The following GRID2 variants were observed in gnomAD, a reference collection of about 807,000 sequenced individuals.
GRID2 encodes the protein glutamate receptor ionotropic, delta-2.
GRID2 carries 33 observed loss-of-function variants against 114.8 expected under a neutral mutation model. The ratio of observed to expected loss-of-function variants is 0.29; its 90% CI spans 0.22 to 0.38. The LOEUF is 0.38. Ranked by LOEUF, GRID2 falls within the 10% of genes least tolerant of loss-of-function variation. GRID2 has a pLI of 1.00. For missense variants in GRID2, 1,184 were observed against 1,257.7 expected, an observed-to-expected ratio of 0.94 and a Z score of 0.89; for synonymous variants, 505 against 449.9, an observed-to-expected ratio of 1.12 and a Z score of -1.55.
At chr4:92,442,086 C>A (rs1310617043) in intron 1 of GRID2, among the ~76,000 whole-genome samples, 1 of 150,456 alleles carries the variant, frequency 6.6e-6, no homozygotes, top group Non-Finnish European at 1.5e-5. Flanking sequence ...GGAAACAGGC[C>A]CTTGAAAAGA....
intron 1 of GRID2, among the ~76,000 whole-genome samples, chr4:92,534,872 GACTAA>G (rs1388583328): frequency 6.6e-6 from 1 of 152,112 alleles, no homozygotes; most frequent in African/African-American, 2.4e-5. Context: ...AGCTTGGAAA[GACTAA>G]ACTAATTAAC....
intron 1 of GRID2, among the ~76,000 whole-genome samples, chr4:92,345,012 A>T (rs1727693740): frequency 6.6e-6 from 1 of 152,254 alleles, no homozygotes; most frequent in East Asian, 1.9e-4. Context: ...TGTACCCAAT[A>T]TGTAGTTGTT....
chr4:93,036,135 C>A (rs559498267), intron 2 of GRID2, among the ~76,000 whole-genome samples: 1 of 151,958 alleles, frequency 6.6e-6, no homozygotes, highest in Non-Finnish European at 1.5e-5. Context: ...ATTTAGATTT[C>A]TCCCTTAGCC....
At chr4:93,490,537 T>A in intron 11 of GRID2, 102 bp from the exon 12 acceptor site, 1 of 761,688 alleles carries the variant, frequency 1.3e-6, no homozygotes, top group Admixed American at 2.5e-5. Context: ...GCAGAAAAAA[T>A]TCTCACTACT....
intron 13 of GRID2, among the ~76,000 whole-genome samples, chr4:93,595,937 G>T (rs13128505): frequency 6.6e-6 from 1 of 151,888 alleles, no homozygotes; most frequent in East Asian, 1.9e-4. Flanking sequence ...TTGCCTTGTC[G>T]CTAGTGTTCA....
intron 14 of GRID2, among the ~76,000 whole-genome samples, chr4:93,749,067 G>A (rs1732091407): frequency 6.6e-6 from 1 of 151,912 alleles, no homozygotes; most frequent in African/African-American, 2.4e-5. Context: ...AGCAAAAGTG[G>A]GTGGGGGTGG....
intron 1 of GRID2, among the ~76,000 whole-genome samples, chr4:92,504,923 T>C (rs961028083): frequency 6.6e-6 from 1 of 152,012 alleles, no homozygotes; most frequent in South Asian, 2.1e-4. Context: ...TACTAGAAAA[T>C]AAAATTGTAC....
intron 14 of GRID2, among the ~76,000 whole-genome samples, chr4:93,715,433 T>C (rs1400626126): frequency 6.6e-6 from 1 of 152,228 alleles, no homozygotes; most frequent in African/African-American, 2.4e-5. Flanking sequence ...TCGTTCCATA[T>C]GAATTTTCAA....
At chr4:92,698,347 G>T (rs1734519022) in intron 2 of GRID2, among the ~76,000 whole-genome samples, 1 of 152,078 alleles carries the variant, frequency 6.6e-6, no homozygotes, top group Non-Finnish European at 1.5e-5. Context: ...CTTATTTGTT[G>T]TAAAAGTGTT....
chr4:92,524,167 C>A (rs1382687377), intron 1 of GRID2, among the ~76,000 whole-genome samples: 3 of 151,878 alleles, frequency 2.0e-5, no homozygotes, highest in Non-Finnish European at 4.4e-5. Context: ...GGGTTGAGTA[C>A]AAACTTGAAA....
chr4:92,515,559 G>C (rs937191535), intron 1 of GRID2, among the ~76,000 whole-genome samples: 1 of 151,854 alleles, frequency 6.6e-6, no homozygotes, highest in Non-Finnish European at 1.5e-5. Flanking sequence ...AAGAAGTCCA[G>C]TGATTTTATT....
chr4:92,927,941 A>C (rs1295670691), intron 2 of GRID2, among the ~76,000 whole-genome samples: 1 of 151,756 alleles, frequency 6.6e-6, no homozygotes, highest in Non-Finnish European at 1.5e-5. Context: ...AAAATGCTTC[A>C]GTGCTAATAT....
intron 2 of GRID2, among the ~76,000 whole-genome samples, chr4:92,974,992 C>T (rs775687877): frequency 6.6e-6 from 1 of 151,338 alleles, no homozygotes; most frequent in Non-Finnish European, 1.5e-5. Flanking sequence ...CCCGTCTCTA[C>T]TAAAAATACA....
chr4:92,980,527 TCCTAG>T (rs1754126539), intron 2 of GRID2, among the ~76,000 whole-genome samples: 1 of 152,026 alleles, frequency 6.6e-6, no homozygotes, highest in Non-Finnish European at 1.5e-5. Flanking sequence ...TTAACACATT[TCCTAG>T]AATATGCATC....
intron 14 of GRID2, among the ~76,000 whole-genome samples, chr4:93,694,428 C>A (rs926705608): frequency 3.3e-5 from 5 of 152,166 alleles, no homozygotes; most frequent in African/African-American, 1.2e-4. Flanking sequence ...ACGCATGACA[C>A]CTCTTGCTTT....
intron 2 of GRID2, among the ~76,000 whole-genome samples, chr4:92,608,756 ATG>A (rs1046720656): frequency 2.0e-5 from 3 of 151,778 alleles, no homozygotes; most frequent in Non-Finnish European, 2.9e-5. Flanking sequence ...AAGTGAGATA[ATG>A]TTTTAACATA....
intron 13 of GRID2, among the ~76,000 whole-genome samples, chr4:93,610,805 GTA>G (rs1377744715): frequency 1.0e-5 from 1 of 95,546 alleles, no homozygotes; most frequent in Non-Finnish European, 2.0e-5. Flanking sequence ...CCCGGCTTTG[GTA>G]TCAGAATGAT....
intron 1 of GRID2, among the ~76,000 whole-genome samples, chr4:92,466,181 G>A (rs1359923606): frequency 6.6e-6 from 1 of 151,668 alleles, no homozygotes; most frequent in Non-Finnish European, 1.5e-5. Flanking sequence ...AGATCAGGAT[G>A]CTTAGCATAT....
chr4:92,790,583 T>A (rs1739536388), intron 2 of GRID2, among the ~76,000 whole-genome samples: 1 of 151,684 alleles, frequency 6.6e-6, no homozygotes, highest in African/African-American at 2.4e-5. Flanking sequence ...GCCCAGCTAA[T>A]TTTGTTTATT....
Sources: gnomAD v4.1 joint callset for allele counts (sites outside exome capture counted in the v4.1 genomes callset) on GRCh38, gnomAD v4.1.1 for gene constraint, MANE v1.5 for transcripts, NCBI Gene and HGNC (gene_info 2026-07-23, HGNC 2026-07-21) for gene names.